Variants in GTF3C4 observed in about 807,000 individuals in gnomAD.
GTF3C4 encodes the protein general transcription factor IIIC subunit 4, also known as general transcription factor 3C polypeptide 4.
GTF3C4 carries 28 observed loss-of-function variants against 67.5 expected under a neutral mutation model. That is an observed-to-expected ratio of 0.41 (90% CI 0.31 to 0.57). The LOEUF is 0.57. Among genes scored for constraint, GTF3C4 ranks in the 20% least tolerant of loss-of-function variants. The pLI, the probability that GTF3C4 is intolerant of heterozygous loss-of-function variation, is 0.21. For missense variants in GTF3C4, 831 were observed against 1,033.2 expected, an observed-to-expected ratio of 0.80 and a Z score of 2.68; for synonymous variants, 409 against 393.0, an observed-to-expected ratio of 1.04 and a Z score of -0.48.
intron 1 of GTF3C4, among the ~76,000 whole-genome samples, chr9:132,675,340 G>C (rs1262438134): frequency 6.6e-6 from 1 of 152,058 alleles, no homozygotes; most frequent in East Asian, 1.9e-4. Flanking sequence ...AAAGCACCGG[G>C]CTTTGATTAG....
At chr9:132,683,758 A>C (rs1165741399) in intron 3 of GTF3C4, 65 bp downstream of exon 3, 1 of 1,428,642 alleles carries the variant, frequency 7.0e-7, no homozygotes, top group East Asian at 2.4e-5. Context: ...AAACTACTGT[A>C]TGTGACAGAA....
At chr9:132,681,023 G>A (rs927482438) in intron 2 of GTF3C4, among the ~76,000 whole-genome samples, 3 of 152,142 alleles carry the variant, frequency 2.0e-5, no homozygotes, top group Non-Finnish European at 2.9e-5. Context: ...CAGGAGAATC[G>A]CTTGAACCTG....
At chr9:132,674,046 A>G (rs971190949) in intron 1 of GTF3C4, among the ~76,000 whole-genome samples, 3 of 152,256 alleles carry the variant, frequency 2.0e-5, no homozygotes, top group Non-Finnish European at 4.4e-5. Context: ...CATCTGCTAC[A>G]TTAAGTTAAA....
upstream of GTF3C4, chr9:132,670,360 G>C (rs898552852): frequency 1.5e-6 from 2 of 1,335,270 alleles, no homozygotes; most frequent in African/African-American, 3.1e-5. Flanking sequence ...CCCTGGGCAG[G>C]GAAAAGGGGG....
chr9:132,674,674 T>A (rs1835839125), intron 1 of GTF3C4, among the ~76,000 whole-genome samples: 1 of 152,266 alleles, frequency 6.6e-6, no homozygotes, highest in Non-Finnish European at 1.5e-5. Flanking sequence ...TTTCATTTGG[T>A]ACACAACTTT....
chr9:132,680,380 A>G (rs1189662099), intron 2 of GTF3C4, among the ~76,000 whole-genome samples: 2 of 152,228 alleles, frequency 1.3e-5, no homozygotes, highest in Non-Finnish European at 2.9e-5. Context: ...TAGGGTTCCC[A>G]GTGCATATTA....
At chr9:132,685,435 G>T (rs563241175) in intron 3 of GTF3C4, among the ~76,000 whole-genome samples, 1 of 152,004 alleles carries the variant, frequency 6.6e-6, no homozygotes, top group Non-Finnish European at 1.5e-5. Flanking sequence ...TGGCTATAGA[G>T]GTTTCTAGTG....
intron 3 of GTF3C4, 81 bp downstream of exon 3, chr9:132,683,774 ACTTTATGCCAGTTAT>A (rs758241442): frequency 5.7e-5 from 74 of 1,308,926 alleles, no homozygotes; most frequent in Non-Finnish European, 7.7e-5. Flanking sequence ...CAGAATAGCA[ACTTTATGCCAGTTAT>A]CTGTTGCCCT....
At position 132,670,553 on chromosome 9, in the gene GTF3C4, G is replaced by T. The variant is rs1387996237; in HGVS notation, c.-46G>T. The T allele has an allele frequency of 2.2e-6, 3 of 1,333,628 alleles. No individual in the cohort carries two copies. The highest frequency in any genetic ancestry group is 3.3e-5 in the South Asian group (2 of 59,742). 82.6% of individuals were successfully genotyped at this position (1,333,628 alleles called of 1,614,324 possible). A position where few individuals can be genotyped will look rare whatever the true frequency, so the allele number is the denominator to read the frequency against. ...GCGGCGGTCCGGGAGGTGGTCGCGC[G>T]ACTGCGTGGAGCGCCAGGGCGTCCG... On this transcript the variant is annotated 5_prime_UTR_variant, in exon 1 of 5. Transcript: ENST00000372146.
intron 2 of GTF3C4, among the ~76,000 whole-genome samples, chr9:132,681,845 C>T (rs537530737): frequency 1.6e-4 from 25 of 151,682 alleles, no homozygotes; most frequent in East Asian, 5.8e-4. Flanking sequence ...ATATCTGGGC[C>T]GGGCACAGTG....
intron 2 of GTF3C4, among the ~76,000 whole-genome samples, chr9:132,682,865 A>G (rs895763938): frequency 6.6e-6 from 1 of 152,076 alleles, no homozygotes; most frequent in Non-Finnish European, 1.5e-5. Context: ...TGGCCTCCCA[A>G]AGTGCAGGGA....
rs1353734836 is a variant in GTF3C4, at chr9:132,678,003, G to C, written c.384G>C (p.Glu128Asp). The C allele has an allele frequency of 6.2e-7, 1 of 1,611,566 alleles. No homozygotes were observed. Among genetic ancestry groups the C allele is most frequent in the Non-Finnish European group, 8.5e-7 (1 of 1,178,920 alleles). The change falls in exon 2 of 5, where the codon GAG becomes GAC. Residue 128 changes from glutamate (E) to aspartate (D), a missense_variant. Coordinates refer to ENST00000372146, the MANE Select transcript of GTF3C4 (RefSeq NM_012204.4). This position sits in a 1 kb window ranked among gnomAD's most constrained non-coding sequence, Gnocchi z 6.5. ...LKVGSKTEVA[E>D]CKEKFAASKD... ...TTGGCTCAAAAACAGAAGTTGCTGA[G>C]TGCAAGGAGAAATTCGCCGCCTCCA...
chr9:132,673,549 C>T (rs563076120), intron 1 of GTF3C4, among the ~76,000 whole-genome samples: 41 of 152,212 alleles, frequency 2.7e-4, no homozygotes, highest in Admixed American at 8.5e-4. Flanking sequence ...ACTGGTGTGA[C>T]GGTAGGAATG....
chr9:132,674,056 A>G (rs1481176889), intron 1 of GTF3C4, among the ~76,000 whole-genome samples: 1 of 152,258 alleles, frequency 6.6e-6, no homozygotes, highest in African/African-American at 2.4e-5. Flanking sequence ...ATTAAGTTAA[A>G]TAACTGTTGC....
chr9:132,683,887 A>T (rs1054316503), intron 3 of GTF3C4, among the ~76,000 whole-genome samples, 194 bp downstream of exon 3: 1 of 152,144 alleles, frequency 6.6e-6, no homozygotes, highest in Non-Finnish European at 1.5e-5. Flanking sequence ...GCCTTTAAAG[A>T]CAGTTTTTTA....
In GTF3C4 at chr9:132,679,549, G is replaced by A; in HGVS notation, c.1930G>A (p.Asp644Asn). The stretch of plus-strand genomic sequence containing the variant: ...CCTGCAGGAGAGGAGCAAGGAAGGA[G>A]ATGTAGAGGAGCCCACTGATGACTC... ...QGLQERSKEG[D>N]VEEPTDDSLP... Residue 644 changes from aspartate (D) to asparagine (N), a missense_variant, in exon 2 of 5, where the codon GAT becomes AAT. This residue lies in a region of GTF3C4 where 75 missense variants were observed against 66.4 expected (regional missense o/e 1.13). Transcript: ENST00000372146. The surrounding 1 kb of genome is among the most constrained non-coding windows in gnomAD (Gnocchi z 5.9). The A allele has an allele frequency of 6.2e-7, 1 of 1,614,160 alleles. No individual in the cohort carries two copies. Among genetic ancestry groups the A allele is most frequent in the South Asian group, 1.1e-5 (1 of 91,078 alleles).
In GTF3C4 at chr9:132,688,909, A is replaced by C; in HGVS notation, c.2433A>C (p.Gln811His). The C allele has an allele frequency of 6.2e-7, 1 of 1,613,214 alleles. No individual in the cohort carries two copies. The highest frequency in any genetic ancestry group is 8.5e-7 in the Non-Finnish European group (1 of 1,179,178). ...CCGACTGGATTAAGAGGTTACTGCA[A>C]AGCCCCTGCCCTTTCTGTGATTCTC... ...EDPDWIKRLL[Q>H]SPCPFCDSPV... The change falls in exon 5 of 5, where the codon CAA (glutamine) becomes CAC (histidine). Residue 811 changes from glutamine to histidine, a missense_variant. By Grantham distance (24) the Gln-to-His change is conservative (BLOSUM62 0). Coordinates refer to ENST00000372146, the MANE Select transcript of GTF3C4 (RefSeq NM_012204.4).
chr9:132,671,598 A>G (rs2583793), intron 1 of GTF3C4, among the ~76,000 whole-genome samples: 139,977 of 152,278 alleles, frequency 0.92, 64,467 homozygotes, highest in African/African-American at 0.98. Context: ...CGAAACAACT[A>G]CCTATCTTAA....
At chr9:132,688,059 T>G (rs1212596381) in intron 4 of GTF3C4, among the ~76,000 whole-genome samples, 1 of 152,256 alleles carries the variant, frequency 6.6e-6, no homozygotes, top group Non-Finnish European at 1.5e-5. Flanking sequence ...AGCTCTCTAA[T>G]TCTCATAAGT....
Sources: allele counts gnomAD v4.1 joint callset (sites outside exome capture counted in the v4.1 genomes callset), GRCh38; gene constraint gnomAD v4.1.1; regional missense constraint gnomAD v4.1.1; non-coding constraint Gnocchi (gnomAD v3.1); transcripts MANE v1.5; gene names NCBI Gene and HGNC (gene_info 2026-07-23, HGNC 2026-07-21).